FRMD4A: variants seen among roughly 807,000 people sequenced by gnomAD.
FRMD4A encodes FERM domain containing 4A.
FRMD4A carries 29 observed loss-of-function variants against 129.1 expected under a neutral mutation model. The observed-to-expected ratio is 0.22, with a 90% CI of 0.17 to 0.31. FRMD4A has a LOEUF of 0.31. Ranked by LOEUF, FRMD4A falls within the 10% of genes least tolerant of loss-of-function variation. The pLI is 1.00. For missense variants in FRMD4A, 1,272 were observed against 1,375.8 expected, an observed-to-expected ratio of 0.92 and a Z score of 1.19; for synonymous variants, 634 against 571.6, an observed-to-expected ratio of 1.11 and a Z score of -1.56.
chr10:14,165,722 A>G (rs1272550959), intron 2 of FRMD4A, among the ~76,000 whole-genome samples: 1 of 152,228 alleles, frequency 6.6e-6, no homozygotes, highest in African/African-American at 2.4e-5. Context: ...ATGGAGCTGG[A>G]GCCCATTATC....
Position 14,241,683 on chromosome 10 carries a change from TAAAAAAAAA to T in FRMD4A, c.45+88366_45+88374del, listed in dbSNP as rs71388168. Among the ~76,000 whole-genome samples the T allele has an allele frequency of 9.4e-3, 220 of 23,360 alleles. 1 individual carries two copies. Among genetic ancestry groups the T allele is most frequent in the African/African-American group, 0.033 (188 of 5,652 alleles). 15.3% of individuals were successfully genotyped at this position (23,360 alleles called of 152,430 possible). A position where few individuals can be genotyped will look rare whatever the true frequency, so the allele number is the denominator to read the frequency against. ...GGAGAGGGATTTGTTTTACCCTCCC[TAAAAAAAAA>T]AAAAAAAAAAAAAAAAAAAAAAAAA... On this transcript the variant is annotated intron_variant, in intron 2 of 24. Transcript: ENST00000357447.
intron 2 of FRMD4A, among the ~76,000 whole-genome samples, chr10:14,092,658 C>A (rs1836726498): frequency 6.6e-6 from 1 of 152,224 alleles, no homozygotes; most frequent in East Asian, 1.9e-4. Context: ...CGAAGGGATA[C>A]ATCGTGGTGA....
At chr10:13,935,242 A>C (rs775449650) in intron 2 of FRMD4A, among the ~76,000 whole-genome samples, 22 of 152,090 alleles carry the variant, frequency 1.4e-4, no homozygotes, top group Non-Finnish European at 3.1e-4. Flanking sequence ...GTTTGAGACC[A>C]GCCTGGCCAA....
intron 2 of FRMD4A, among the ~76,000 whole-genome samples, chr10:14,115,953 T>C (rs1315653517): frequency 5.9e-5 from 9 of 152,224 alleles, no homozygotes; most frequent in Non-Finnish European, 8.8e-5. Flanking sequence ...ACTATCAGCA[T>C]TGCTGGCTGT....
intron 11 of FRMD4A, among the ~76,000 whole-genome samples, chr10:13,739,079 T>G (rs559001900): frequency 2.6e-5 from 4 of 152,338 alleles, no homozygotes; most frequent in African/African-American, 4.8e-5. Flanking sequence ...CTAAATAACC[T>G]AATACAACCC....
intron 19 of FRMD4A, among the ~76,000 whole-genome samples, chr10:13,662,236 C>T (rs1324517018): frequency 1.3e-5 from 2 of 152,160 alleles, no homozygotes; most frequent in Non-Finnish European, 2.9e-5. Flanking sequence ...CAATGGCGTC[C>T]CCGGCTTGTA....
intron 6 of FRMD4A, among the ~76,000 whole-genome samples, chr10:13,767,488 C>G (rs2092323201): frequency 2.0e-5 from 3 of 152,172 alleles, no homozygotes; most frequent in Admixed American, 2.0e-4. Flanking sequence ...ATCCACCCAC[C>G]TCGGCTTCCC....
chr10:14,067,208 C>G (rs1489488258), intron 2 of FRMD4A, among the ~76,000 whole-genome samples: 1 of 151,646 alleles, frequency 6.6e-6, no homozygotes, highest in Non-Finnish European at 1.5e-5. Flanking sequence ...CCAAGCTACT[C>G]GGGAGGCTGA....
chr10:13,679,474 T>TACACACACAC (rs59818032), intron 15 of FRMD4A, among the ~76,000 whole-genome samples: 339 of 31,474 alleles, frequency 0.011, 31 homozygotes, highest in African/African-American at 0.035. Context: ...TATATATATA[T>TACACACACAC]ACACACACAC....
rs1230387129 is a variant in FRMD4A, at chr10:13,701,362, T to A, written c.953A>T (p.Tyr318Phe). ...WAMAISQHQF[Y>F]LDRKQSKSKI... ...CACCTTACTCTGCTTTCTGTCCAGA[T>A]AGAACTGGTGTTGGCTTATGGCCAT... Residue 318 changes from tyrosine to phenylalanine, a missense_variant, in exon 14 of 25, where the codon TAT becomes TTT. By Grantham distance (22) the Tyr-to-Phe change is conservative. Around this residue, in one of 2 missense-constraint regions of FRMD4A, gnomAD observed 300 missense variants for 483.6 expected, o/e 0.62. Transcript: ENST00000357447. 6.2e-7 allele frequency: 1 copy of A among 1,614,012 alleles called. No homozygotes were observed. The highest frequency in any genetic ancestry group is 8.5e-7 in the Non-Finnish European group (1 of 1,179,900).
At chr10:14,259,892 G>A (rs1157068769) in intron 2 of FRMD4A, among the ~76,000 whole-genome samples, 2 of 151,954 alleles carry the variant, frequency 1.3e-5, no homozygotes. Flanking sequence ...TCTCACTTAT[G>A]CCTCTACCTC....
intron 2 of FRMD4A, among the ~76,000 whole-genome samples, chr10:14,048,902 G>T (rs536783847): frequency 1.3e-4 from 16 of 122,706 alleles, no homozygotes; most frequent in African/African-American, 3.2e-4. Context: ...GAATAGAATA[G>T]AAAATAAAAT....
chr10:13,699,047 C>T (rs1394441860), intron 14 of FRMD4A, among the ~76,000 whole-genome samples: 2 of 135,674 alleles, frequency 1.5e-5, no homozygotes, highest in Non-Finnish European at 3.1e-5. Context: ...AATTTATCTA[C>T]AATAATCTTT....
At chr10:14,189,287 G>C (rs1271204185) in intron 2 of FRMD4A, among the ~76,000 whole-genome samples, 1 of 152,078 alleles carries the variant, frequency 6.6e-6, no homozygotes, top group Non-Finnish European at 1.5e-5. Context: ...AGGAGGAAGA[G>C]AATGGGCCCG....
At chr10:13,962,858 A>C (rs1325864599) in intron 2 of FRMD4A, among the ~76,000 whole-genome samples, 2 of 152,262 alleles carry the variant, frequency 1.3e-5, no homozygotes, top group African/African-American at 4.8e-5. Context: ...CTCCAAACAA[A>C]GTATTATTTA....
chr10:13,912,892 G>A (rs1042872088), intron 2 of FRMD4A, among the ~76,000 whole-genome samples: 1 of 151,786 alleles, frequency 6.6e-6, no homozygotes, highest in East Asian at 2.0e-4. Flanking sequence ...TGACCAACAT[G>A]GTGAAACCCC....
At chr10:13,670,283 A>G (rs984806978) in intron 17 of FRMD4A, 123 bp downstream of exon 17, 13 of 933,670 alleles carry the variant, frequency 1.4e-5, no homozygotes, top group Non-Finnish European at 2.2e-5. Flanking sequence ...AAGAAAAGGT[A>G]TGAGCGAAAA....
intron 2 of FRMD4A, among the ~76,000 whole-genome samples, chr10:14,294,268 A>C (rs1329787778): frequency 1.3e-5 from 2 of 152,218 alleles, no homozygotes; most frequent in Non-Finnish European, 2.9e-5. Context: ...TTAATATAAG[A>C]AATAGGCATA....
chr10:13,948,008 G>A (rs190620236), intron 2 of FRMD4A, among the ~76,000 whole-genome samples: 3 of 151,044 alleles, frequency 2.0e-5, no homozygotes, highest in East Asian at 3.9e-4. Context: ...ACCAGCCTGG[G>A]CAAAAATAGG....
Sources: gnomAD v4.1 joint callset for allele counts (sites outside exome capture counted in the v4.1 genomes callset) on GRCh38, gnomAD v4.1.1 for gene constraint, gnomAD v4.1.1 regional missense constraint, MANE v1.5 for transcripts, NCBI Gene and HGNC (gene_info 2026-07-23, HGNC 2026-07-21) for gene names.